The following ZNF571 variants were observed in gnomAD, a reference collection of about 807,000 sequenced individuals.
ZNF571 encodes zinc finger protein 571.
ZNF571 carries 4 observed loss-of-function variants against 7.7 expected under a neutral mutation model. That is an observed-to-expected ratio of 0.52 (90% CI 0.25 to 1.18). The LOEUF (loss-of-function observed/expected upper bound fraction) is 1.18, where lower values mean the gene tolerates loss of function less well. Among genes scored for constraint, ZNF571 ranks in the 50% most tolerant of loss-of-function variants. The pLI is 0.14. For missense variants in ZNF571, 704 were observed against 726.9 expected (o/e 0.97, Z 0.36); for synonymous variants, 251 against 232.4 (o/e 1.08, Z -0.73).
In ZNF571 at chr19:37,565,738, T is replaced by C; in HGVS notation, c.690A>G (p.Lys230=). Residue 230 remains lysine (K), a synonymous_variant, in exon 4 of 4, where the codon AAA becomes AAG. Coordinates refer to ENST00000451802, the MANE Select transcript of ZNF571 (RefSeq NM_016536.5). ...TGAGCTGTGAACCACGAATAAAAGC[T>C]TTCCCACATGCGTTACACTGATAAG... The part of the protein sequence containing the change: ...EKPYQCNACG[K]AFIRGSQLTE... The C allele has an allele frequency of 1.9e-6, 3 of 1,613,922 alleles. No homozygotes were observed. The highest frequency in any genetic ancestry group is 1.1e-5 in the South Asian group (1 of 91,076).
intron 3 of ZNF571, among the ~76,000 whole-genome samples, chr19:37,582,952 T>C (rs1309967730): frequency 1.3e-5 from 2 of 152,222 alleles, no homozygotes; most frequent in Non-Finnish European, 2.9e-5. Context: ...AGGGGCTCCC[T>C]ATCACACTTA....
rs747280195 is a variant in ZNF571, at chr19:37,565,331, T to C, written c.1097A>G (p.Lys366Arg). ...IHTGEKPYEC[K>R]ECGKTFFRGS... ...ACGAAAAAAGGTCTTCCCGCATTCT[T>C]TACATTCATAGGGTTTCTCTCCTGT... Residue 366 changes from lysine (K) to arginine (R), a missense_variant, in exon 4 of 4, where the codon AAA (lysine) becomes AGA (arginine). By Grantham distance (26) the Lys-to-Arg change is conservative. Transcript: ENST00000451802. 1 of 1,612,828 alleles carries C rather than the reference T, an allele frequency of 6.2e-7. No homozygotes were observed. The highest frequency in any genetic ancestry group is 8.5e-7 in the Non-Finnish European group (1 of 1,179,488).
chr19:37,592,233 G>A (rs2043888184), intron 1 of ZNF571, among the ~76,000 whole-genome samples: 1 of 152,142 alleles, frequency 6.6e-6, no homozygotes, highest in South Asian at 2.1e-4. Context: ...ACTCCAGCCT[G>A]GGCGACAGAG....
intron 3 of ZNF571, among the ~76,000 whole-genome samples, chr19:37,577,446 G>A (rs1004268637): frequency 2.6e-5 from 4 of 152,096 alleles, no homozygotes; most frequent in Non-Finnish European, 4.4e-5. Flanking sequence ...TAAAGTATAG[G>A]AGAAGGGAAT....
chr19:37,565,011 G>A lies in ZNF571; in HGVS notation c.1417C>T (p.His473Tyr), dbSNP rs2093779814. The A allele has an allele frequency of 6.2e-7, 1 of 1,613,704 alleles. No homozygotes were observed. The highest frequency in any genetic ancestry group is 8.5e-7 in the Non-Finnish European group (1 of 1,179,878). ...TTCCCACATTCCTTACATTCATAAT[G>A]TTTCTCACCATGAATTTTCTCATGT... Reference protein sequence around the residue: ...TQHEKIHGEKHYECKECGKTF... With the variant: ...TQHEKIHGEKYYECKECGKTF... Residue 473 changes from histidine to tyrosine, a missense_variant, in exon 4 of 4, where the codon CAT becomes TAT. His to Tyr is a moderately conservative substitution (Grantham distance 83). Transcript: ENST00000451802.
intron 1 of ZNF571, among the ~76,000 whole-genome samples, chr19:37,589,596 A>T (rs1165330002): frequency 6.6e-6 from 1 of 152,146 alleles, no homozygotes. Flanking sequence ...TATCATTAAG[A>T]TCCTACTGGA....
At chr19:37,570,548 C>T (rs1049604344) in intron 3 of ZNF571, among the ~76,000 whole-genome samples, 3 of 152,144 alleles carry the variant, frequency 2.0e-5, no homozygotes, top group Non-Finnish European at 4.4e-5. Context: ...CATCATAGAA[C>T]TAATTGTATT....
At chr19:37,571,743 C>T (rs1357126039) in intron 3 of ZNF571, among the ~76,000 whole-genome samples, 1 of 152,130 alleles carries the variant, frequency 6.6e-6, no homozygotes, top group African/African-American at 2.4e-5. Flanking sequence ...ACTACTAGCT[C>T]GCAGACTACA....
chr19:37,588,758 G>T (rs934140673), intron 1 of ZNF571, among the ~76,000 whole-genome samples: 5 of 152,142 alleles, frequency 3.3e-5, no homozygotes, highest in Admixed American at 1.3e-4. Context: ...TGAATAGAAA[G>T]AAAAGATTAA....
chr19:37,583,730 G>A, intron 3 of ZNF571: 1 of 401,418 alleles, frequency 2.5e-6, no homozygotes, highest in Admixed American at 4.0e-5. Flanking sequence ...GGTCATGCTA[G>A]GGGATTCCCA....
intron 1 of ZNF571, among the ~76,000 whole-genome samples, chr19:37,590,103 G>A (rs1184523045): frequency 6.9e-5 from 4 of 58,156 alleles, no homozygotes; most frequent in Non-Finnish European, 1.4e-4. Flanking sequence ...CCAGATAAGG[G>A]GCAAAAAAAG....
chr19:37,565,522 A>T lies in ZNF571; in HGVS notation c.906T>A (p.Ser302Arg), dbSNP rs987997924. 28 of 1,613,756 alleles carry T rather than the reference A, an allele frequency of 1.7e-5. No homozygotes were observed. In the East Asian group the frequency reaches 6.2e-4, roughly 36 times the overall value. The change falls in exon 4 of 4, where the codon AGT (serine) becomes AGA (arginine). Residue 302 changes from serine to arginine, a missense_variant. Coordinates refer to ENST00000451802, the MANE Select transcript of ZNF571 (RefSeq NM_016536.5). The part of the protein sequence containing the change: ...SQLTYHQRIH[S>R]GEKPYECKEC... ...CCTTACACTCATAAGGTTTCTCACC[A>T]CTATGAATTCTCTGATGGTAAGTAA...
chr19:37,591,500 A>T (rs1483544192), intron 1 of ZNF571, among the ~76,000 whole-genome samples: 1 of 152,264 alleles, frequency 6.6e-6, no homozygotes, highest in African/African-American at 2.4e-5. Flanking sequence ...CTGAAAATAT[A>T]TAAAGGGAAA....
rs1314291133 is a variant in ZNF571 at position 37,564,938 on chromosome 19, G to C, written c.1490C>G (p.Thr497Arg). 6.2e-7 allele frequency: 1 copy of C among 1,613,792 alleles called. No homozygotes were observed. Among genetic ancestry groups the C allele is most frequent in the Non-Finnish European group, 8.5e-7 (1 of 1,179,906 alleles). ...CTTACATTTGTAGGGCTTTTCACCT[G>C]TATGAATTCTTTGATGATATGTAAG... ...TQLTYHQRIH[T>R]GEKPYKCKEC... The change falls in exon 4 of 4, where the codon ACA (threonine) becomes AGA (arginine). Residue 497 changes from threonine (T) to arginine (R), a missense_variant. Coordinates refer to ENST00000451802, the MANE Select transcript of ZNF571 (RefSeq NM_016536.5).
chr19:37,584,023 C>T lies in ZNF571; in HGVS notation c.84G>A (p.Arg28=). The part of the protein sequence containing the change: ...EEWECLDPAQ[R]DLYRDVMLEN... ...CCAACATCACATCCCTGTACAAGTC[C>T]CTCTGAGCAGGGTCCAGGCATTCCC... The change falls in exon 3 of 4, where the codon AGG becomes AGA. Residue 28 remains arginine, a synonymous_variant. Coordinates refer to ENST00000451802, the MANE Select transcript of ZNF571 (RefSeq NM_016536.5). The T allele has an allele frequency of 6.2e-7, 1 of 1,613,980 alleles. No individual in the cohort carries two copies. Among genetic ancestry groups the T allele is most frequent in the Non-Finnish European group, 8.5e-7 (1 of 1,179,930 alleles).
chr19:37,585,882 C>T (rs888195375), intron 2 of ZNF571: 13 of 152,074 alleles, frequency 8.5e-5, no homozygotes, highest in African/African-American at 1.9e-4. Flanking sequence ...AAAAAGGAAA[C>T]GTGATGATGA....
At chr19:37,593,138 T>A (rs780859027) in intron 1 of ZNF571, among the ~76,000 whole-genome samples, 2 of 152,100 alleles carry the variant, frequency 1.3e-5, no homozygotes, top group Non-Finnish European at 2.9e-5. Context: ...TTTTTTTTTA[T>A]GTTGGTATAA....
At position 37,584,028 on chromosome 19, in the gene ZNF571, G is replaced by A; in HGVS notation, c.79C>T (p.Gln27Ter). 1 of 1,614,090 alleles carries A rather than the reference G, an allele frequency of 6.2e-7. No individual in the cohort carries two copies. The highest frequency in any genetic ancestry group is 8.5e-7 in the Non-Finnish European group (1 of 1,179,984). Residue 27 changes from glutamine (Q) to a stop codon, truncating the protein, a stop_gained, in exon 3 of 4, where the codon CAG becomes TAG. Transcript: ENST00000451802. LOFTEE classifies it high-confidence loss of function. ...ATCACATCCCTGTACAAGTCCCTCT[G>A]AGCAGGGTCCAGGCATTCCCATTCC... ...QEEWECLDPA[Q>*]RDLYRDVMLE...
Position 37,583,911 on chromosome 19 carries a change from C to T in ZNF571, c.136+60G>A, listed in dbSNP as rs971040733. 1.1e-5 allele frequency: 16 copies of T among 1,519,468 alleles called. No homozygotes were observed. In the Admixed American group the frequency reaches 3.0e-4, roughly 29 times the overall value. 94.1% of individuals were successfully genotyped at this position (1,519,468 alleles called of 1,614,324 possible). A position where few individuals can be genotyped will look rare whatever the true frequency, so the allele number is the denominator to read the frequency against. ...TTAGGGAATGGAGATCAGAAATTCA[C>T]AATGAATGAGGCAGAAATTATGGGG... On this transcript the variant is annotated intron_variant, in intron 3 of 3. Transcript: ENST00000451802.
Sources: allele counts gnomAD v4.1 joint callset (sites outside exome capture counted in the v4.1 genomes callset), GRCh38; gene constraint gnomAD v4.1.1; transcripts MANE v1.5; gene names NCBI Gene and HGNC (gene_info 2026-07-23, HGNC 2026-07-21).